The following MAGI2 variants were observed in gnomAD, a reference collection of about 807,000 sequenced individuals.
MAGI2 encodes membrane-associated guanylate kinase, WW and PDZ domain-containing protein 2.
A neutral mutation model predicts 133.3 loss-of-function variants in MAGI2; 35 were observed. That is an observed-to-expected ratio of 0.26 (90% confidence interval 0.20 to 0.35). The LOEUF is 0.35. MAGI2 is among the 10% of genes least tolerant of loss of function. The probability of loss-of-function intolerance (pLI) is 1.00; values close to 1 mark genes in which losing one functional copy is unlikely to be tolerated. For missense variants in MAGI2, 1,636 were observed against 1,863.4 expected (o/e 0.88, Z 2.25); for synonymous variants, 729 against 710.6 (o/e 1.03, Z -0.41).
chr7:78,981,414 C>G (rs1488520740), intron 2 of MAGI2, among the ~76,000 whole-genome samples: 2 of 151,636 alleles, frequency 1.3e-5, no homozygotes, highest in Admixed American at 6.6e-5. Context: ...TATTTAAAGC[C>G]ATTCACTGAA....
intron 1 of MAGI2, among the ~76,000 whole-genome samples, chr7:79,416,666 A>C (rs1846535390): frequency 6.6e-6 from 1 of 151,802 alleles, no homozygotes; most frequent in East Asian, 1.9e-4. Flanking sequence ...ATAATTGTTG[A>C]AAGTAGGACA....
At chr7:78,654,666 A>C in intron 2 of MAGI2, among the ~76,000 whole-genome samples, 1 of 132,570 alleles carries the variant, frequency 7.5e-6, no homozygotes, top group Admixed American at 8.1e-5. Flanking sequence ...ACCTGTTACT[A>C]CTCTTTGTAA....
chr7:79,158,980 T>C (rs1433581054), intron 1 of MAGI2, among the ~76,000 whole-genome samples: 1 of 152,086 alleles, frequency 6.6e-6, no homozygotes, highest in Non-Finnish European at 1.5e-5. Flanking sequence ...TTACCTTGTT[T>C]ATACATGTTA....
At chr7:78,769,905 C>A (rs1250667148) in intron 2 of MAGI2, among the ~76,000 whole-genome samples, 1 of 152,050 alleles carries the variant, frequency 6.6e-6, no homozygotes, top group Non-Finnish European at 1.5e-5. Context: ...CTCTTAACAT[C>A]ATGTGAATTA....
In MAGI2 at chr7:79,310,181, AAAAAAAAAAAAAAAG is replaced by A. The variant is rs1459829338; in HGVS notation, c.301+142824_301+142838del. ...CCATCTCAAAAAAAAAAAAAAAAAA[AAAAAAAAAAAAAAAG>A]AGAGAGAGAGAGAAATATCTCCATC... On this transcript the variant is annotated intron_variant, in intron 1 of 21. Coordinates refer to ENST00000354212, the MANE Select transcript of MAGI2 (RefSeq NM_012301.4). Among the ~76,000 whole-genome samples the A allele has an allele frequency of 5.3e-4, 73 of 138,242 alleles. 1 individual carries two copies. The highest frequency in any genetic ancestry group is 1.4e-3 in the East Asian group (7 of 4,926). The allele number at this position is 138,242 out of a possible 152,430, so 90.7% of individuals were successfully genotyped here. A position where few individuals can be genotyped will look rare whatever the true frequency, so the allele number is the denominator to read the frequency against.
At chr7:78,317,901 C>T (rs1787591541) in intron 9 of MAGI2, among the ~76,000 whole-genome samples, 1 of 152,138 alleles carries the variant, frequency 6.6e-6, no homozygotes, top group Non-Finnish European at 1.5e-5. Context: ...GGAAAACTAA[C>T]AAACAGAAAG....
intron 14 of MAGI2, among the ~76,000 whole-genome samples, chr7:78,175,617 C>G (rs995677619): frequency 6.6e-6 from 1 of 152,124 alleles, no homozygotes; most frequent in Non-Finnish European, 1.5e-5. Flanking sequence ...CATGGTGGGG[C>G]CCCCAGATTC....
At chr7:78,921,370 T>C (rs1799207713) in intron 2 of MAGI2, among the ~76,000 whole-genome samples, 1 of 152,170 alleles carries the variant, frequency 6.6e-6, no homozygotes, top group Non-Finnish European at 1.5e-5. Flanking sequence ...TTATTTGAAA[T>C]GTAGATTCCT....
At chr7:78,729,301 A>G (rs185340117) in intron 2 of MAGI2, among the ~76,000 whole-genome samples, 8 of 152,326 alleles carry the variant, frequency 5.3e-5, no homozygotes, top group Admixed American at 5.2e-4. Flanking sequence ...GATACAACAC[A>G]TTAGGGGTTC....
intron 1 of MAGI2, among the ~76,000 whole-genome samples, chr7:79,326,780 A>G (rs1278588757): frequency 6.6e-6 from 1 of 152,072 alleles, no homozygotes; most frequent in Non-Finnish European, 1.5e-5. Context: ...GAAATGGAGC[A>G]ACTGAGAATT....
chr7:78,291,194 T>TAAAGA (rs891545434), intron 9 of MAGI2, among the ~76,000 whole-genome samples: 1 of 151,670 alleles, frequency 6.6e-6, no homozygotes, highest in Non-Finnish European at 1.5e-5. Context: ...GCAAGACTAA[T>TAAAGA]AAAGAAGAAA....
intron 1 of MAGI2, among the ~76,000 whole-genome samples, chr7:79,102,473 C>T (rs1483143924): frequency 3.3e-5 from 5 of 152,136 alleles, no homozygotes; most frequent in Admixed American, 6.5e-5. Context: ...AACACTTTGC[C>T]TGCCTTTATT....
At chr7:79,377,673 C>T (rs1656977738) in intron 1 of MAGI2, among the ~76,000 whole-genome samples, 1 of 151,762 alleles carries the variant, frequency 6.6e-6, no homozygotes, top group African/African-American at 2.4e-5. Flanking sequence ...ACCAATGTAA[C>T]AGCAACATCA....
intron 10 of MAGI2, among the ~76,000 whole-genome samples, chr7:78,240,917 A>G (rs1791068763): frequency 1.3e-5 from 2 of 152,152 alleles, no homozygotes; most frequent in Admixed American, 1.3e-4. Context: ...TGTCAATTTT[A>G]AAAATAAATT....
intron 3 of MAGI2, among the ~76,000 whole-genome samples, chr7:78,559,299 A>AC (rs1202202785): frequency 1.7e-4 from 25 of 148,780 alleles, no homozygotes; most frequent in African/African-American, 6.2e-4. Context: ...TCTTCTCACT[A>AC]CCCCTTGGTT....
At chr7:79,108,551 C>T (rs1818636192) in intron 1 of MAGI2, among the ~76,000 whole-genome samples, 2 of 152,304 alleles carry the variant, frequency 1.3e-5, no homozygotes, top group Non-Finnish European at 2.9e-5. Flanking sequence ...TTAATACATA[C>T]TATCACTATG....
intron 1 of MAGI2, among the ~76,000 whole-genome samples, chr7:79,045,910 T>C (rs899982892): frequency 1.8e-4 from 28 of 152,190 alleles, no homozygotes; most frequent in African/African-American, 4.8e-5. Context: ...CATGAATCTA[T>C]ACATATGATA....
At chr7:79,176,921 T>C (rs1053634280) in intron 1 of MAGI2, 2 of 151,722 alleles carry the variant, frequency 1.3e-5, no homozygotes, top group Non-Finnish European at 2.9e-5. Flanking sequence ...GTTCCACATA[T>C]GGCAACAAAC....
intron 3 of MAGI2, among the ~76,000 whole-genome samples, chr7:78,573,365 AATATATATATATATATATATAT>A (rs58739225): frequency 0.022 from 631 of 29,032 alleles, 70 homozygotes; most frequent in African/African-American, 0.11. Flanking sequence ...GAATCCTGGA[AATATATATATATATATATATAT>A]ATATATATAT....
Sources: allele counts gnomAD v4.1 joint callset (sites outside exome capture counted in the v4.1 genomes callset), GRCh38; gene constraint gnomAD v4.1.1; transcripts MANE v1.5; gene names NCBI Gene and HGNC (gene_info 2026-07-23, HGNC 2026-07-21).